The following MAPRE2 variants were observed in gnomAD, a reference collection of about 807,000 sequenced individuals.
MAPRE2 encodes microtubule-associated protein RP/EB family member 2.
MAPRE2 carries 13 observed loss-of-function variants against 43.2 expected under a neutral mutation model. The observed-to-expected ratio is 0.30, with a 90% CI of 0.20 to 0.48. The LOEUF (loss-of-function observed/expected upper bound fraction) is 0.48, where lower values mean the gene tolerates loss of function less well. MAPRE2 is among the 20% of genes least tolerant of loss of function. MAPRE2 has a pLI of 0.99. For synonymous variants in MAPRE2, 135 were observed against 148.8 expected (o/e 0.91, Z 0.68); for missense variants, 161 against 400.2 (o/e 0.40, Z 5.10).
chr18:34,994,581 C>G (rs1302002467), intron 1 of MAPRE2, among the ~76,000 whole-genome samples: 1 of 152,060 alleles, frequency 6.6e-6, no homozygotes, highest in Non-Finnish European at 1.5e-5. Context: ...TCCACATGAT[C>G]CCTGAAGATA....
At chr18:35,094,652 A>G (rs1320791984) in intron 2 of MAPRE2, among the ~76,000 whole-genome samples, 1 of 152,152 alleles carries the variant, frequency 6.6e-6, no homozygotes, top group African/African-American at 2.4e-5. Context: ...TAGAAGAACA[A>G]TCTATAGGAA....
intron 6 of MAPRE2, 149 bp from the exon 7 acceptor site, chr18:35,140,146 G>A (rs1910564440): frequency 1.6e-6 from 1 of 644,214 alleles, no homozygotes; most frequent in Non-Finnish European, 2.7e-6. Context: ...CCGGAAGCTG[G>A]GAGACGTTTG....
rs1161977554 is a variant in MAPRE2, at chr18:35,086,692, A to G, written c.251-10754A>G. On this transcript the variant is annotated intron_variant, in intron 2 of 6. Transcript: ENST00000300249. ...AAGGAATGTTTTTCTTAAAAAAAAA[A>G]AATTGAAGTTCAGATCAGAGTTTAA... 2.0e-5 allele frequency among the ~76,000 whole-genome samples: 3 copies of G among 152,120 alleles called. No homozygotes were observed. The East Asian group carries it at 5.8e-4, about 29-fold the overall frequency.
chr18:35,018,126 T>C (rs1054166309), intron 2 of MAPRE2, among the ~76,000 whole-genome samples: 2 of 152,112 alleles, frequency 1.3e-5, no homozygotes, highest in Non-Finnish European at 2.9e-5. Context: ...GACTTGCATA[T>C]GTTGAATCAG....
intron 1 of MAPRE2, among the ~76,000 whole-genome samples, chr18:35,067,240 C>T (rs1053051651): frequency 5.3e-5 from 8 of 152,300 alleles, no homozygotes; most frequent in South Asian, 2.1e-4. Flanking sequence ...TTTACCTGAT[C>T]ATCTTAATGA....
chr18:34,978,574 T>C (rs1462112176), intron 1 of MAPRE2: 5 of 1,550,692 alleles, frequency 3.2e-6, no homozygotes, highest in Non-Finnish European at 1.7e-6. Context: ...TTCCCCTGCT[T>C]CTCCTGAACG....
intron 1 of MAPRE2, among the ~76,000 whole-genome samples, chr18:35,050,066 ATACT>A (rs1260409039): frequency 6.6e-6 from 1 of 152,230 alleles, no homozygotes; most frequent in East Asian, 1.9e-4. Context: ...TCATATATTC[ATACT>A]TTATTCATAG....
At chr18:35,084,255 C>G (rs1907768770) in intron 2 of MAPRE2, among the ~76,000 whole-genome samples, 1 of 152,120 alleles carries the variant, frequency 6.6e-6, no homozygotes, top group South Asian at 2.1e-4. Context: ...GCCTGGGTGA[C>G]AGAGTGAGAC....
intron 3 of MAPRE2, among the ~76,000 whole-genome samples, chr18:35,098,638 C>T (rs1908534365): frequency 6.6e-6 from 1 of 152,140 alleles, no homozygotes; most frequent in Non-Finnish European, 1.5e-5. Flanking sequence ...CCAATTAGCT[C>T]TTTCCATATG....
upstream of MAPRE2, among the ~76,000 whole-genome samples, chr18:35,036,689 T>A (rs964484919): frequency 3.0e-4 from 45 of 152,362 alleles, no homozygotes; most frequent in African/African-American, 9.6e-4. Context: ...TGTGAACTTT[T>A]GGGCTAAGAA....
chr18:35,132,269 A>C (rs1910190587), intron 6 of MAPRE2, 79 bp downstream of exon 6: 2 of 1,352,376 alleles, frequency 1.5e-6, no homozygotes, highest in African/African-American at 2.9e-5. Flanking sequence ...CACTCCTTAG[A>C]ATACTTCCCC....
In MAPRE2 at chr18:35,142,290, T is replaced by G. The variant is rs1310380941; in HGVS notation, c.*1921T>G. On this transcript the variant is annotated 3_prime_UTR_variant, in exon 7 of 7. Transcript: ENST00000300249. Reference sequence around the variant, plus strand: ...CTCTTGTAAAAGGTCACAATAACTCTATGCACCTGATACTGCAGTGGTTCC... The same window carrying G: ...CTCTTGTAAAAGGTCACAATAACTCGATGCACCTGATACTGCAGTGGTTCC... 1.3e-5 allele frequency: 2 copies of G among 152,320 alleles called. No individual in the cohort carries two copies. Among genetic ancestry groups the G allele is most frequent in the Non-Finnish European group, 2.9e-5 (2 of 68,086 alleles). 9.4% of individuals were successfully genotyped at this position (152,320 alleles called of 1,614,324 possible).
rs372466406 is a variant in MAPRE2, at chr18:34,999,336, G to A, written c.-69-6156G>A. Among the ~76,000 whole-genome samples, 230 of 152,282 alleles carry A rather than the reference G, an allele frequency of 1.5e-3. 4 individuals are homozygous for A. Among genetic ancestry groups the A allele is most frequent in the African/African-American group, 5.3e-3 (219 of 41,572 alleles). ...TCCCATATATGTAGTTTTGTCTCAT[G>A]TAATTTTTTGAAAGAATTTTACTTT... On this transcript the variant is annotated intron_variant, in intron 1 of 7. Coordinates refer to the MAPRE2 transcript ENST00000413393.
intron 2 of MAPRE2, among the ~76,000 whole-genome samples, chr18:35,095,415 C>T (rs570920527): frequency 6.6e-6 from 1 of 151,314 alleles, no homozygotes; most frequent in Non-Finnish European, 1.5e-5. Flanking sequence ...CACACACACT[C>T]CTTTCCAAAG....
At position 35,128,330 on chromosome 18, in the gene MAPRE2, TG is replaced by T. The variant is rs199983645; in HGVS notation, c.750+1245del. Among the ~76,000 whole-genome samples, 975 of 152,356 alleles carry T rather than the reference TG, an allele frequency of 6.4e-3. 15 individuals carry two copies. Among genetic ancestry groups the T allele is most frequent in the Middle Eastern group, 0.01 (3 of 294 alleles). On this transcript the variant is annotated intron_variant, in intron 5 of 6. Coordinates refer to ENST00000300249, the MANE Select transcript of MAPRE2 (RefSeq NM_014268.4). ...CAGTAAGGACAGTCATAATGAACCTTGGTCCACATGCCTCAGGCTCCAAGAA... is the reference window on the plus strand; with the variant it reads ...CAGTAAGGACAGTCATAATGAACCTTGTCCACATGCCTCAGGCTCCAAGAA...
rs1908709412 is a variant in MAPRE2 at position 35,102,163 on chromosome 18, T to C, written c.610+4T>C. 6.3e-7 allele frequency: 1 copy of C among 1,583,200 alleles called. No homozygotes were observed. ...CATGCAAACTCCCCCACAGCAGGTA[T>C]TGTCACAATGAGATTGCGGGAGTTG... On this transcript the variant is annotated splice_donor_region_variant and intron_variant, in intron 4 of 6. Transcript: ENST00000300249.
intron 4 of MAPRE2, among the ~76,000 whole-genome samples, chr18:35,118,709 G>A (rs1029127149): frequency 6.6e-6 from 1 of 152,186 alleles, no homozygotes; most frequent in Non-Finnish European, 1.5e-5. Context: ...GGATCCTGCA[G>A]TGGCTTCCCT....
At chr18:34,985,150 T>A (rs1376543094) in intron 1 of MAPRE2, among the ~76,000 whole-genome samples, 2 of 77,376 alleles carry the variant, frequency 2.6e-5, no homozygotes, top group African/African-American at 5.5e-5. Context: ...CAAATATATT[T>A]TATAATATAT....
intron 2 of MAPRE2, among the ~76,000 whole-genome samples, chr18:35,081,638 G>C (rs1393634200): frequency 6.6e-6 from 1 of 152,138 alleles, no homozygotes; most frequent in African/African-American, 2.4e-5. Context: ...TAAGTATGGA[G>C]TTCTCACCTG....
Sources: gnomAD v4.1 joint callset for allele counts (sites outside exome capture counted in the v4.1 genomes callset) on GRCh38, gnomAD v4.1.1 for gene constraint, MANE v1.5 for transcripts, NCBI Gene and HGNC (gene_info 2026-07-23, HGNC 2026-07-21) for gene names.